The following SLC9A9 variants were observed in gnomAD, a reference collection of about 807,000 sequenced individuals.
SLC9A9 encodes the protein sodium/hydrogen exchanger 9.
Under a neutral mutation model 77.8 loss-of-function variants are expected in SLC9A9, and 62 were observed. The observed-to-expected ratio is 0.80, with a 90% confidence interval of 0.65 to 0.98. The LOEUF (loss-of-function observed/expected upper bound fraction) is 0.98, where lower values mean the gene tolerates loss of function less well. Among genes scored for constraint, SLC9A9 ranks in the 50% least tolerant of loss-of-function variants. The probability of loss-of-function intolerance (pLI) is 0.00; values close to 1 mark genes in which losing one functional copy is unlikely to be tolerated. For synonymous variants in SLC9A9, 320 were observed against 283.5 expected, an observed-to-expected ratio of 1.13 and a Z score of -1.29; for missense variants, 775 against 774.9, an observed-to-expected ratio of 1.00 and a Z score of 0.00.
At chr3:143,757,916 C>T (rs1163168072) in intron 4 of SLC9A9, among the ~76,000 whole-genome samples, 3 of 152,100 alleles carry the variant, frequency 2.0e-5, no homozygotes, top group Middle Eastern at 3.2e-3. Flanking sequence ...TCAATGCAGT[C>T]ACTAGGTAAA....
chr3:143,338,108 T>C (rs1559873467), intron 14 of SLC9A9, among the ~76,000 whole-genome samples: 1 of 152,180 alleles, frequency 6.6e-6, no homozygotes, highest in Non-Finnish European at 1.5e-5. Flanking sequence ...GTGTACTTCT[T>C]GTACCAGGCT....
chr3:143,485,692 CA>C (rs752444283), intron 11 of SLC9A9, among the ~76,000 whole-genome samples: 10 of 151,664 alleles, frequency 6.6e-5, no homozygotes, highest in Non-Finnish European at 1.3e-4. Flanking sequence ...AAGTTTTTAA[CA>C]AAAAATCACA....
chr3:143,492,291 C>CAAAA (rs1171323568), intron 11 of SLC9A9, among the ~76,000 whole-genome samples: 1 of 60,186 alleles, frequency 1.7e-5, no homozygotes. Context: ...GACTCCGTCT[C>CAAAA]AAAAAAAAAA....
chr3:143,753,966 T>G (rs1576703483), intron 4 of SLC9A9, among the ~76,000 whole-genome samples: 2 of 151,850 alleles, frequency 1.3e-5, no homozygotes, highest in Non-Finnish European at 2.9e-5. Context: ...ATATGTGCAA[T>G]TTTTCCCTAC....
chr3:143,269,684 T>C (rs1316272006), intron 14 of SLC9A9, among the ~76,000 whole-genome samples: 1 of 152,222 alleles, frequency 6.6e-6, no homozygotes, highest in Non-Finnish European at 1.5e-5. Flanking sequence ...TATTTTAGTT[T>C]TTTTGCTCAA....
chr3:143,266,140 T>C lies in SLC9A9; in HGVS notation c.*562A>G, dbSNP rs1376015723. 1.4e-6 allele frequency: 1 copy of C among 702,040 alleles called. No individual in the cohort carries two copies. Among genetic ancestry groups the C allele is most frequent in the Non-Finnish European group, 2.6e-6 (1 of 384,748 alleles). The allele number at this position is 702,040 out of a possible 1,614,324, so 43.5% of individuals were successfully genotyped here. A position where few individuals can be genotyped will look rare whatever the true frequency, so the allele number is the denominator to read the frequency against. Reference sequence around the variant, plus strand: ...ATAGGTTCTTCAACTCAGTGTGGGCTCTGGGAAACCATCAGCAGTGGGTAC... The same window carrying C: ...ATAGGTTCTTCAACTCAGTGTGGGCCCTGGGAAACCATCAGCAGTGGGTAC... On this transcript the variant is annotated 3_prime_UTR_variant, in exon 16 of 16. Transcript: ENST00000316549.
intron 12 of SLC9A9, among the ~76,000 whole-genome samples, chr3:143,401,772 T>C (rs2033866564): frequency 6.6e-6 from 1 of 152,162 alleles, no homozygotes; most frequent in Non-Finnish European, 1.5e-5. Context: ...GGAGTGCAGA[T>C]CATATCATAA....
At chr3:143,385,416 T>TGA (rs1403353458) in intron 12 of SLC9A9, among the ~76,000 whole-genome samples, 1 of 152,206 alleles carries the variant, frequency 6.6e-6, no homozygotes, top group Admixed American at 6.5e-5. Flanking sequence ...TTTTCTGCCT[T>TGA]TTCTCAATTG....
At chr3:143,423,529 G>A (rs893817743) in intron 12 of SLC9A9, among the ~76,000 whole-genome samples, 7 of 151,992 alleles carry the variant, frequency 4.6e-5, no homozygotes, top group Non-Finnish European at 8.8e-5. Context: ...CGGAGCAGAT[G>A]GATTAAAGGG....
intron 6 of SLC9A9, among the ~76,000 whole-genome samples, chr3:143,634,057 T>C (rs1332936350): frequency 2.0e-5 from 3 of 152,216 alleles, no homozygotes; most frequent in Non-Finnish European, 4.4e-5. Flanking sequence ...TGAAATTGAA[T>C]GTCACTGTGG....
At chr3:143,734,693 C>CACT (rs1335663240) in intron 4 of SLC9A9, among the ~76,000 whole-genome samples, 3 of 146,016 alleles carry the variant, frequency 2.1e-5, no homozygotes, top group Non-Finnish European at 3.0e-5. Flanking sequence ...AAGATCCCGC[C>CACT]ACTGCACTCC....
At chr3:143,643,576 G>T (rs1287995887) in intron 6 of SLC9A9, among the ~76,000 whole-genome samples, 1 of 152,130 alleles carries the variant, frequency 6.6e-6, no homozygotes, top group Non-Finnish European at 1.5e-5. Flanking sequence ...CTCTTGCTGT[G>T]ATTTTTCTCT....
chr3:143,821,389 A>G (rs537561599), intron 2 of SLC9A9, among the ~76,000 whole-genome samples: 1 of 152,162 alleles, frequency 6.6e-6, no homozygotes, highest in Non-Finnish European at 1.5e-5. Flanking sequence ...TAACCCACCA[A>G]AGGTAAATCT....
intron 4 of SLC9A9, among the ~76,000 whole-genome samples, chr3:143,767,376 A>ATGTGTG (rs142594079): frequency 0.051 from 7,223 of 141,304 alleles, 358 homozygotes; most frequent in African/African-American, 0.13. Flanking sequence ...GTGTCTGTGT[A>ATGTGTG]TGTGTGTGTG....
intron 13 of SLC9A9, among the ~76,000 whole-genome samples, chr3:143,381,119 G>A (rs569076238): frequency 1.3e-5 from 2 of 152,134 alleles, no homozygotes; most frequent in Non-Finnish European, 2.9e-5. Context: ...CTACTTTGAC[G>A]TTAGGTTCAA....
At chr3:143,313,665 G>A (rs903380094) in intron 14 of SLC9A9, among the ~76,000 whole-genome samples, 9 of 152,198 alleles carry the variant, frequency 5.9e-5, no homozygotes, top group African/African-American at 9.7e-5. Flanking sequence ...TCCCGAGAGC[G>A]GTGGAGGACT....
chr3:143,457,480 CT>C (rs1348199509), intron 12 of SLC9A9, among the ~76,000 whole-genome samples: 1 of 152,112 alleles, frequency 6.6e-6, no homozygotes, highest in Non-Finnish European at 1.5e-5. Flanking sequence ...GCTCAAATTT[CT>C]TTTTATCTTT....
At chr3:143,345,715 G>A (rs1258936866) in intron 14 of SLC9A9, among the ~76,000 whole-genome samples, 1 of 152,106 alleles carries the variant, frequency 6.6e-6, no homozygotes, top group African/African-American at 2.4e-5. Context: ...TCTCCAACAG[G>A]GCTCATCTAT....
chr3:143,815,660 T>C (rs1310474077), intron 2 of SLC9A9, among the ~76,000 whole-genome samples: 1 of 151,964 alleles, frequency 6.6e-6, no homozygotes, highest in Non-Finnish European at 1.5e-5. Context: ...GGTCAAGAGA[T>C]GGAGACCATC....
Sources: gnomAD v4.1 joint callset for allele counts (sites outside exome capture counted in the v4.1 genomes callset) on GRCh38, gnomAD v4.1.1 for gene constraint, MANE v1.5 for transcripts, NCBI Gene and HGNC (gene_info 2026-07-23, HGNC 2026-07-21) for gene names.